CAMKK2: variants seen among roughly 807,000 people sequenced by gnomAD.
The protein encoded by CAMKK2 is calcium/calmodulin-dependent protein kinase kinase 2.
A neutral mutation model predicts 67.2 loss-of-function variants in CAMKK2; 30 were observed. The ratio of observed to expected loss-of-function variants is 0.45; its 90% CI spans 0.33 to 0.61. The LOEUF is 0.61. Ranked by LOEUF, CAMKK2 falls within the 20% of genes least tolerant of loss-of-function variation. The pLI, the probability that CAMKK2 is intolerant of heterozygous loss-of-function variation, is 0.02. For missense variants in CAMKK2, 643 were observed against 802.0 expected, an observed-to-expected ratio of 0.80 and a Z score of 2.39; for synonymous variants, 322 against 326.2, an observed-to-expected ratio of 0.99 and a Z score of 0.14.
intron 5 of CAMKK2, among the ~76,000 whole-genome samples, chr12:121,267,358 C>T (rs376056751): frequency 6.6e-6 from 1 of 151,894 alleles, no homozygotes; most frequent in East Asian, 1.9e-4. Context: ...GTGATCCACC[C>T]ACCTTGGCCT....
At chr12:121,294,042 C>A (rs1430681207) in intron 1 of CAMKK2, among the ~76,000 whole-genome samples, 3 of 152,214 alleles carry the variant, frequency 2.0e-5, no homozygotes, top group African/African-American at 7.2e-5. Flanking sequence ...AAGTGATTCT[C>A]CTGCCTCAGC....
chr12:121,263,995 G>A (rs1472184036), intron 5 of CAMKK2, 56 bp from the exon 6 acceptor site: 1 of 1,469,022 alleles, frequency 6.8e-7, no homozygotes, highest in Non-Finnish European at 9.1e-7. Flanking sequence ...CCTCCGCAGA[G>A]GGCAGCTGCA....
At chr12:121,274,713 A>C (rs1026408004) in intron 1 of CAMKK2, 128 bp from the exon 2 acceptor site, 7 of 589,504 alleles carry the variant, frequency 1.2e-5, no homozygotes, top group African/African-American at 9.3e-5. Context: ...AAATCTTGCA[A>C]AACATGGTGT....
intron 16 of CAMKK2, chr12:121,244,104 G>C (rs1888926331): frequency 6.2e-7 from 1 of 1,611,992 alleles, no homozygotes. Context: ...TTTGCAACAG[G>C]CAGGAAGGGG....
chr12:121,255,578 G>T lies in CAMKK2; in HGVS notation c.879C>A (p.Phe293Leu), dbSNP rs200803906. Residue 293 changes from phenylalanine to leucine, a missense_variant, in exon 9 of 17, where the codon TTC (phenylalanine) becomes TTA (leucine). Around this residue, in one of 3 missense-constraint regions of CAMKK2, gnomAD observed 483 missense variants for 625.8 expected, o/e 0.77. Coordinates refer to ENST00000404169, the MANE Select transcript of CAMKK2 (RefSeq NM_001270485.2). The stretch of plus-strand genomic sequence containing the variant: ...ACTCGATGCCTTTGATCAGATCCTG[G>T]AAGTAGAAACGGGCCTGGTCTTCAG... ...PLSEDQARFYFQDLIKGIEYL... is the reference protein window; with the variant it reads ...PLSEDQARFYLQDLIKGIEYL... 4.3e-6 allele frequency: 7 copies of T among 1,612,006 alleles called. No individual in the cohort carries two copies. The highest frequency in any genetic ancestry group is 5.9e-6 in the Non-Finnish European group (7 of 1,179,594).
intron 1 of CAMKK2, among the ~76,000 whole-genome samples, chr12:121,292,502 AAAG>A (rs1306842432): frequency 2.0e-5 from 3 of 152,198 alleles, no homozygotes; most frequent in Non-Finnish European, 4.4e-5. Flanking sequence ...GCACAGCCTG[AAAG>A]AAGATCGGTT....
intron 16 of CAMKK2, among the ~76,000 whole-genome samples, chr12:121,243,413 G>C (rs1448493595): frequency 3.3e-5 from 5 of 151,894 alleles, no homozygotes; most frequent in Admixed American, 1.3e-4. Context: ...TCATTCGATA[G>C]CCAAAAGGTG....
chr12:121,282,798 G>A (rs61135762), intron 1 of CAMKK2, among the ~76,000 whole-genome samples: 6,960 of 151,444 alleles, frequency 0.046, 498 homozygotes, highest in African/African-American at 0.16. Flanking sequence ...TCTGTCCCCC[G>A]GGCTGGAGTG....
intron 16 of CAMKK2, 45 bp downstream of exon 16, chr12:121,244,528 C>A: frequency 1.9e-6 from 3 of 1,541,856 alleles, no homozygotes; most frequent in Non-Finnish European, 1.8e-6. Flanking sequence ...CACCCGCCCC[C>A]CTCAGGCCCC....
intron 5 of CAMKK2, among the ~76,000 whole-genome samples, chr12:121,267,206 T>C (rs542903292): frequency 7.0e-6 from 1 of 143,524 alleles, no homozygotes; most frequent in South Asian, 2.2e-4. Context: ...GCCTCCTGGG[T>C]TCCAGCGATT....
intron 1 of CAMKK2, among the ~76,000 whole-genome samples, chr12:121,291,876 T>G (rs1229146219): frequency 6.6e-6 from 1 of 151,794 alleles, no homozygotes; most frequent in Non-Finnish European, 1.5e-5. Flanking sequence ...GCCAACATGG[T>G]GAAACCCCGT....
intron 11 of CAMKK2, among the ~76,000 whole-genome samples, chr12:121,251,077 G>A (rs905997307): frequency 3.3e-5 from 5 of 152,168 alleles, no homozygotes; most frequent in Admixed American, 2.0e-4. Flanking sequence ...CCTTACACGG[G>A]ACACTGAAAA....
At chr12:121,291,766 G>A (rs751259470) in intron 1 of CAMKK2, among the ~76,000 whole-genome samples, 4 of 151,632 alleles carry the variant, frequency 2.6e-5, no homozygotes, top group African/African-American at 7.3e-5. Context: ...CTTTAAAATG[G>A]TTAAGTTTGG....
chr12:121,269,438 G>T (rs1206600295), intron 4 of CAMKK2, 90 bp downstream of exon 4: 1 of 1,000,754 alleles, frequency 1.0e-6, no homozygotes, highest in Non-Finnish European at 1.5e-6. Context: ...TGAGACAACA[G>T]CTAGGAAAAC....
intron 1 of CAMKK2, among the ~76,000 whole-genome samples, chr12:121,277,065 G>A (rs912274361): frequency 1.3e-5 from 2 of 152,194 alleles, no homozygotes; most frequent in Non-Finnish European, 2.9e-5. Context: ...ATCTGGCTGA[G>A]AGGCAGAAAA....
At chr12:121,267,103 CT>C (rs1200740861) in intron 5 of CAMKK2, among the ~76,000 whole-genome samples, 263 of 35,112 alleles carry the variant, frequency 7.5e-3, no homozygotes, top group Middle Eastern at 0.038. Flanking sequence ...TTTAATTTAT[CT>C]TTTTTTTTTT....
chr12:121,243,912 G>A, intron 16 of CAMKK2: 3 of 1,416,736 alleles, frequency 2.1e-6, no homozygotes, highest in Non-Finnish European at 2.8e-6. Flanking sequence ...GGGCAGTGGG[G>A]TCCCCACCCA....
rs1362126892 is a variant in CAMKK2, at chr12:121,238,479, CTG to C, written c.*2218_*2219del. On this transcript the variant is annotated 3_prime_UTR_variant, in exon 17 of 17. Coordinates refer to ENST00000404169, the MANE Select transcript of CAMKK2 (RefSeq NM_001270485.2). ...CTCCAAGAGTGGCAGCTCAAATGCT[CTG>C]TGTTTACAGCCATCTTGGCTTATCC... The C allele has an allele frequency of 6.6e-6, 1 of 152,498 alleles. No individual in the cohort carries two copies. Among genetic ancestry groups the C allele is most frequent in the Non-Finnish European group, 1.5e-5 (1 of 68,030 alleles). The allele number at this position is 152,498 out of a possible 1,614,324, so 9.4% of individuals were successfully genotyped here.
At chr12:121,255,194 T>TTA (rs1316189496) in intron 9 of CAMKK2, among the ~76,000 whole-genome samples, 5 of 62,290 alleles carry the variant, frequency 8.0e-5, no homozygotes, top group African/African-American at 1.4e-4. Context: ...AAACTCCCCT[T>TTA]TATATATATA....
Sources: allele counts gnomAD v4.1 joint callset (sites outside exome capture counted in the v4.1 genomes callset), GRCh38; gene constraint gnomAD v4.1.1; regional missense constraint gnomAD v4.1.1; transcripts MANE v1.5; gene names NCBI Gene and HGNC (gene_info 2026-07-23, HGNC 2026-07-21).